The following NDUFAF2 variants were observed in gnomAD, a reference collection of about 807,000 sequenced individuals.
NDUFAF2 encodes the protein NADH dehydrogenase [ubiquinone] 1 alpha subcomplex assembly factor 2.
A neutral mutation model predicts 22.8 loss-of-function variants in NDUFAF2; 13 were observed. That is an observed-to-expected ratio of 0.57 (90% confidence interval 0.37 to 0.91). NDUFAF2 has a LOEUF of 0.91. Ranked by LOEUF, NDUFAF2 falls within the 40% of genes least tolerant of loss-of-function variation. The probability of loss-of-function intolerance (pLI) is 0.01; values close to 1 mark genes in which losing one functional copy is unlikely to be tolerated. For missense variants in NDUFAF2, 162 were observed against 195.2 expected, an observed-to-expected ratio of 0.83 and a Z score of 1.01; for synonymous variants, 53 against 64.2, an observed-to-expected ratio of 0.83 and a Z score of 0.84.
intron 1 of NDUFAF2, among the ~76,000 whole-genome samples, chr5:61,005,287 A>G (rs190237760): frequency 0.021 from 3,130 of 152,318 alleles, 60 homozygotes; most frequent in Non-Finnish European, 0.029. Flanking sequence ...TTATGGCTGC[A>G]TAGTGTTCCA....
At chr5:60,948,184 C>T (rs1460528954) in intron 1 of NDUFAF2, among the ~76,000 whole-genome samples, 1 of 152,078 alleles carries the variant, frequency 6.6e-6, no homozygotes, top group Non-Finnish European at 1.5e-5. Context: ...TGACACTATA[C>T]ATTAGTTTGT....
chr5:61,135,252 T>C (rs2111818547), intron 3 of NDUFAF2, among the ~76,000 whole-genome samples: 1 of 152,200 alleles, frequency 6.6e-6, no homozygotes, highest in East Asian at 1.9e-4. Flanking sequence ...TACCATTTTC[T>C]ATTCTAAGGA....
chr5:61,038,832 T>C (rs1751834907), intron 1 of NDUFAF2, among the ~76,000 whole-genome samples: 1 of 152,182 alleles, frequency 6.6e-6, no homozygotes, highest in East Asian at 1.9e-4. Context: ...TAATTGATGC[T>C]CTCTTTGCAG....
chr5:61,000,687 C>G (rs1751284991), intron 1 of NDUFAF2, among the ~76,000 whole-genome samples: 1 of 152,024 alleles, frequency 6.6e-6, no homozygotes, highest in Non-Finnish European at 1.5e-5. Flanking sequence ...GCCTTTTGCC[C>G]TGTAGATGAG....
intron 1 of NDUFAF2, among the ~76,000 whole-genome samples, chr5:61,039,239 A>G (rs546698952): frequency 6.6e-6 from 1 of 152,022 alleles, no homozygotes; most frequent in African/African-American, 2.4e-5. Flanking sequence ...TTGTACTCGC[A>G]TTATTTAAGT....
At chr5:60,957,295 A>G (rs572892000) in intron 1 of NDUFAF2, among the ~76,000 whole-genome samples, 13 of 152,282 alleles carry the variant, frequency 8.5e-5, no homozygotes, top group Admixed American at 2.6e-4. Flanking sequence ...ATTTTGAAGC[A>G]GGTAACAAAC....
chr5:61,111,616 TG>T, intron 3 of NDUFAF2, among the ~76,000 whole-genome samples: 1 of 151,918 alleles, frequency 6.6e-6, no homozygotes, highest in South Asian at 2.1e-4. Flanking sequence ...TTTTTTTGTT[TG>T]TTTTTTTGTC....
At chr5:61,040,752 G>A (rs560135489) in intron 1 of NDUFAF2, among the ~76,000 whole-genome samples, 19 of 151,942 alleles carry the variant, frequency 1.3e-4, no homozygotes, top group African/African-American at 4.6e-4. Context: ...TTTTTATTAA[G>A]TATGCATATT....
At chr5:60,972,395 G>A (rs1445462422) in intron 1 of NDUFAF2, among the ~76,000 whole-genome samples, 1 of 152,092 alleles carries the variant, frequency 6.6e-6, no homozygotes, top group Non-Finnish European at 1.5e-5. Flanking sequence ...CCCCAATCCT[G>A]CTCTTGTGGT....
At chr5:60,986,118 T>A (rs1219661975) in intron 1 of NDUFAF2, among the ~76,000 whole-genome samples, 1 of 152,188 alleles carries the variant, frequency 6.6e-6, no homozygotes, top group African/African-American at 2.4e-5. Context: ...AGGGCTACCA[T>A]GTGCTCCAGC....
chr5:61,114,051 CTTGAATA>C (rs1752877314), intron 3 of NDUFAF2, among the ~76,000 whole-genome samples: 1 of 152,010 alleles, frequency 6.6e-6, no homozygotes, highest in Admixed American at 6.6e-5. Context: ...CCTTTTTATA[CTTGAATA>C]TTGATATCTT....
intron 1 of NDUFAF2, among the ~76,000 whole-genome samples, chr5:61,022,980 T>C (rs1177045084): frequency 6.6e-6 from 1 of 152,198 alleles, no homozygotes; most frequent in East Asian, 1.9e-4. Context: ...TGTACTTTAT[T>C]TAGGTATGAG....
At chr5:60,989,428 C>A (rs756716147) in intron 1 of NDUFAF2, among the ~76,000 whole-genome samples, 4 of 152,100 alleles carry the variant, frequency 2.6e-5, no homozygotes, top group Admixed American at 6.6e-5. Flanking sequence ...GAATATAAAT[C>A]GTTCTACCAT....
chr5:61,075,827 G>A (rs1752361924), intron 2 of NDUFAF2, among the ~76,000 whole-genome samples: 1 of 152,154 alleles, frequency 6.6e-6, no homozygotes, highest in Non-Finnish European at 1.5e-5. Flanking sequence ...GATGAATATT[G>A]TATTTGTCAA....
chr5:61,107,082 CACACACACAT>C lies in NDUFAF2; in HGVS notation c.258+8052_258+8061del, dbSNP rs1433295913. 3.3e-5 allele frequency among the ~76,000 whole-genome samples: 5 copies of C among 150,248 alleles called. 1 individual carries two copies. The highest frequency in any genetic ancestry group is 1.2e-4 in the African/African-American group (5 of 40,066). ...ACACACACACACACACACACACACA[CACACACACAT>C]ATATGCCTAGCAGTAGAATTGCTAG... is the stretch of plus-strand genomic sequence containing the variant. On this transcript the variant is annotated intron_variant, in intron 3 of 3. Coordinates refer to ENST00000296597, the MANE Select transcript of NDUFAF2 (RefSeq NM_174889.5).
intron 1 of NDUFAF2, among the ~76,000 whole-genome samples, chr5:61,027,871 G>A (rs946981787): frequency 6.6e-6 from 1 of 151,350 alleles, no homozygotes; most frequent in Non-Finnish European, 1.5e-5. Context: ...TTGTTTTTAT[G>A]TATGAGATAT....
At chr5:61,120,164 C>T (rs1752959162) in intron 3 of NDUFAF2, among the ~76,000 whole-genome samples, 1 of 152,062 alleles carries the variant, frequency 6.6e-6, no homozygotes, top group South Asian at 2.1e-4. Context: ...TCTCTATGTA[C>T]CTTCTTTGAT....
chr5:61,139,792 C>G (rs1292188673), intron 3 of NDUFAF2, among the ~76,000 whole-genome samples: 1 of 152,184 alleles, frequency 6.6e-6, no homozygotes, highest in Non-Finnish European at 1.5e-5. Context: ...CTGCCCTTTC[C>G]TGATTAATTT....
intron 1 of NDUFAF2, among the ~76,000 whole-genome samples, chr5:60,951,157 G>A (rs1421603165): frequency 6.6e-6 from 1 of 152,008 alleles, no homozygotes; most frequent in African/African-American, 2.4e-5. Context: ...AGCCTCTCGA[G>A]TAGCTGGGAT....
Sources: gnomAD v4.1 joint callset for allele counts (sites outside exome capture counted in the v4.1 genomes callset) on GRCh38, gnomAD v4.1.1 for gene constraint, MANE v1.5 for transcripts, NCBI Gene and HGNC (gene_info 2026-07-23, HGNC 2026-07-21) for gene names.